Variants in ZNF644 observed in about 807,000 individuals in gnomAD.
The protein encoded by ZNF644 is zinc finger protein 644, also known as zinc finger motif enhancer binding protein 2.
ZNF644 carries 20 observed loss-of-function variants against 108.0 expected under a neutral mutation model. The ratio of observed to expected loss-of-function variants is 0.19; its 90% confidence interval spans 0.13 to 0.27. The LOEUF (loss-of-function observed/expected upper bound fraction) is 0.27. ZNF644 is among the 10% of genes least tolerant of loss of function. ZNF644 has a pLI of 1.00. For missense variants in ZNF644, 1,338 were observed against 1,548.9 expected (o/e 0.86, Z 2.29); for synonymous variants, 542 against 539.1 (o/e 1.01, Z -0.08).
chr1:90,994,606 T>C (rs1046146373), intron 1 of ZNF644, among the ~76,000 whole-genome samples: 5 of 152,152 alleles, frequency 3.3e-5, no homozygotes, highest in Admixed American at 2.6e-4. Context: ...CACTTGAAAA[T>C]AGCACTGTAT....
chr1:91,019,196 G>A (rs893207116), intron 1 of ZNF644, among the ~76,000 whole-genome samples: 2 of 152,114 alleles, frequency 1.3e-5, no homozygotes, highest in Admixed American at 6.5e-5. Context: ...AGACCTTAGA[G>A]GTACCACTCA....
Position 90,938,668 on chromosome 1 carries a change from T to G in ZNF644, c.2686A>C (p.Lys896Gln). ...TCTCCAGGCTCCTGACCTTCCACTT[T>G]GCTCTTAAATAAAGGGAATAAATTT... Reference protein sequence around the residue: ...HVNLFPLFKSKVEGQEPGENA... With the variant: ...HVNLFPLFKSQVEGQEPGENA... Residue 896 changes from lysine to glutamine, a missense_variant, in exon 3 of 6, where the codon AAA (lysine) becomes CAA (glutamine). Lys to Gln is a moderately conservative substitution (Grantham distance 53, BLOSUM62 1). Transcript: ENST00000337393. This position sits in a 1 kb window ranked among gnomAD's most constrained non-coding sequence, Gnocchi z 4.2. The G allele has an allele frequency of 6.2e-7, 1 of 1,611,322 alleles. No homozygotes were observed. The highest frequency in any genetic ancestry group is 8.5e-7 in the Non-Finnish European group (1 of 1,179,294).
intron 2 of ZNF644, among the ~76,000 whole-genome samples, chr1:90,944,546 GT>G (rs1570396875): frequency 6.7e-6 from 1 of 149,928 alleles, no homozygotes; most frequent in East Asian, 1.9e-4. Flanking sequence ...AATAAAAGAT[GT>G]TACCTTCTGC....
rs1166975793 is a variant in ZNF644 at position 90,975,459 on chromosome 1, AC to A, written c.44+6850del. 5.6e-5 allele frequency among the ~76,000 whole-genome samples: 8 copies of A among 141,628 alleles called. No homozygotes were observed. The East Asian group carries it at 1.6e-3, about 29-fold the overall frequency. The allele number at this position is 141,628 out of a possible 152,430, so 92.9% of individuals were successfully genotyped here. ...TACTTTTTTTTTTTTTTTTTTTGAGACAGAGTCTCGCTCTGTCTCCCAGGCT... is the reference window on the plus strand; with the variant it reads ...TACTTTTTTTTTTTTTTTTTTTGAGAAGAGTCTCGCTCTGTCTCCCAGGCT... On this transcript the variant is annotated intron_variant, in intron 2 of 5. Transcript: ENST00000337393.
At chr1:91,017,419 A>C (rs1660523120) in intron 1 of ZNF644, among the ~76,000 whole-genome samples, 1 of 152,174 alleles carries the variant, frequency 6.6e-6, no homozygotes, top group Admixed American at 6.5e-5. Context: ...AGAAACGCTA[A>C]TCTTAATCCA....
At position 90,938,272 on chromosome 1, in the gene ZNF644, C is replaced by T; in HGVS notation, c.3082G>A (p.Ala1028Thr). Reference protein sequence around the residue: ...TGTPVKRVRKAIEKSETTSEH... With the variant: ...TGTPVKRVRKTIEKSETTSEH... ...CAAATCATCCCCATGGAGAACTTAC[C>T]TTTTCTAACTCGTTTAACAGGTGTT... The change falls in exon 3 of 6, where the codon GCT becomes ACT. Residue 1028 changes from alanine (A) to threonine (T), a missense_variant and splice_region_variant. Ala to Thr is a moderately conservative substitution (Grantham distance 58). This residue lies in a region of ZNF644 where 287 missense variants were observed against 310.9 expected (regional missense o/e 0.92). Transcript: ENST00000337393. The surrounding 1 kb of genome is among the most constrained non-coding windows in gnomAD (Gnocchi z 4.2). 1 of 1,613,912 alleles carries T rather than the reference C, an allele frequency of 6.2e-7. No homozygotes were observed. The highest frequency in any genetic ancestry group is 8.5e-7 in the Non-Finnish European group (1 of 1,179,858).
chr1:90,920,206 G>T, intron 4 of ZNF644, among the ~76,000 whole-genome samples: 1 of 151,878 alleles, frequency 6.6e-6, no homozygotes, highest in Non-Finnish European at 1.5e-5. Context: ...CAGGCATTTG[G>T]TGTATCATAA....
Position 90,940,769 on chromosome 1 carries a change from A to G in ZNF644, c.585T>C (p.Pro195=). The change falls in exon 3 of 6, where the codon CCT becomes CCC. Residue 195 remains proline, a synonymous_variant. Coordinates refer to ENST00000337393, the MANE Select transcript of ZNF644 (RefSeq NM_201269.3). ...TGTCACAACCAACTGAAGCAGAGGT[A>G]GGTAGTTTTTTATTGGAATGGGTGG... ...KNPTHSNKKL[P]TSASVGCDIQ... 6.2e-7 allele frequency: 1 copy of G among 1,614,036 alleles called. No homozygotes were observed. The highest frequency in any genetic ancestry group is 8.5e-7 in the Non-Finnish European group (1 of 1,179,972).
intron 1 of ZNF644, among the ~76,000 whole-genome samples, chr1:91,012,673 G>A (rs1260293078): frequency 4.6e-5 from 7 of 152,072 alleles, no homozygotes; most frequent in Middle Eastern, 3.4e-3. Context: ...CTCTAATCAC[G>A]GAAAATGCTT....
intron 1 of ZNF644, among the ~76,000 whole-genome samples, chr1:91,014,891 T>C (rs953136119): frequency 6.6e-6 from 1 of 152,174 alleles, no homozygotes; most frequent in Non-Finnish European, 1.5e-5. Flanking sequence ...CTAGACCTTC[T>C]CAAGATATAC....
intron 1 of ZNF644, among the ~76,000 whole-genome samples, chr1:91,017,931 G>A (rs573165227): frequency 2.6e-5 from 4 of 152,196 alleles, no homozygotes; most frequent in South Asian, 2.1e-4. Flanking sequence ...CACTGCACCC[G>A]CGCCTGGGAA....
intron 1 of ZNF644, among the ~76,000 whole-genome samples, chr1:90,990,177 T>C (rs1490407391): frequency 6.6e-6 from 1 of 152,154 alleles, no homozygotes; most frequent in Non-Finnish European, 1.5e-5. Context: ...GAAATTAGTG[T>C]TTAACAGACA....
At chr1:90,945,177 GATAA>G (rs953948123) in intron 2 of ZNF644, among the ~76,000 whole-genome samples, 25 of 152,114 alleles carry the variant, frequency 1.6e-4, no homozygotes, top group African/African-American at 4.6e-4. Flanking sequence ...AATAAATTAA[GATAA>G]ATAAACTGAT....
chr1:90,988,991 T>C (rs976888208), intron 1 of ZNF644, among the ~76,000 whole-genome samples: 16 of 152,152 alleles, frequency 1.1e-4, no homozygotes, highest in African/African-American at 3.9e-4. Context: ...TTCTTGAACA[T>C]GACACCAAAA....
At chr1:91,006,781 CCTA>C (rs1286095455) in intron 1 of ZNF644, among the ~76,000 whole-genome samples, 5 of 150,368 alleles carry the variant, frequency 3.3e-5, no homozygotes, top group African/African-American at 1.2e-4. Context: ...TGTAATGCAT[CCTA>C]CTTTCTGGAT....
chr1:90,982,432 G>C, intron 1 of ZNF644, 62 bp from the exon 2 acceptor site: 2 of 1,022,906 alleles, frequency 2.0e-6, no homozygotes, highest in Admixed American at 3.4e-5. Context: ...AATAACCATA[G>C]CTACAATACA....
chr1:90,989,128 A>C (rs1293445639), intron 1 of ZNF644, among the ~76,000 whole-genome samples: 1 of 152,210 alleles, frequency 6.6e-6, no homozygotes, highest in East Asian at 1.9e-4. Context: ...TGTATCTGAT[A>C]AGAGGTTAAA....
intron 2 of ZNF644, among the ~76,000 whole-genome samples, chr1:90,976,460 A>T (rs1656017541): frequency 6.6e-6 from 1 of 152,236 alleles, no homozygotes; most frequent in East Asian, 1.9e-4. Context: ...TTTACAGTTT[A>T]GACCAATCAT....
rs1651628482 is a variant in ZNF644, at chr1:90,938,801, A to G, written c.2553T>C (p.Asp851=). Reference sequence around the variant, plus strand: ...AACTTTCATCTTCTGTTTCATAACTATCTTTCTTTTCAGCAGAATTAAGTT... The same window carrying G: ...AACTTTCATCTTCTGTTTCATAACTGTCTTTCTTTTCAGCAGAATTAAGTT... ...LQKLNSAEKK[D]SYETEDESSW... is the part of the protein sequence containing the mutation. Residue 851 remains aspartate, a synonymous_variant, in exon 3 of 6, where the codon GAT becomes GAC. Transcript: ENST00000337393. The surrounding 1 kb of genome is among the most constrained non-coding windows in gnomAD (Gnocchi z 4.2). The G allele has an allele frequency of 4.3e-6, 7 of 1,613,700 alleles. No homozygotes were observed. Among genetic ancestry groups the G allele is most frequent in the African/African-American group, 2.7e-5 (2 of 74,904 alleles).
Sources: gnomAD v4.1 joint callset for allele counts (sites outside exome capture counted in the v4.1 genomes callset) on GRCh38, gnomAD v4.1.1 for gene constraint, gnomAD v4.1.1 regional missense constraint, Gnocchi (gnomAD v3.1) non-coding constraint, MANE v1.5 for transcripts, NCBI Gene and HGNC (gene_info 2026-07-23, HGNC 2026-07-21) for gene names.